The following VPS13D variants were observed in gnomAD, a reference collection of about 807,000 sequenced individuals.
VPS13D encodes intermembrane lipid transfer protein VPS13D.
VPS13D carries 187 observed loss-of-function variants against 461.9 expected under a neutral mutation model. That is an observed-to-expected ratio of 0.40 (90% CI 0.36 to 0.46). VPS13D has a LOEUF of 0.46. Ranked by LOEUF, VPS13D falls within the 20% of genes least tolerant of loss-of-function variation. The pLI is 0.60. For missense variants in VPS13D, 4,711 were observed against 5,364.9 expected (o/e 0.88, Z 3.81); for synonymous variants, 1,951 against 1,986.3 (o/e 0.98, Z 0.47).
chr1:12,230,929 C>G (rs1022164747), intron 1 of VPS13D, among the ~76,000 whole-genome samples: 8 of 152,108 alleles, frequency 5.3e-5, no homozygotes, highest in Non-Finnish European at 8.8e-5. Flanking sequence ...GTTGTGGGAG[C>G]GTCGCCTTCC....
Position 12,360,149 on chromosome 1 carries a change from G to A in VPS13D, c.10141+1548G>A, listed in dbSNP as rs114077910. ...AAAGCTCATGGCATATGTTTTGAGG[G>A]CTAAGACTGTGATTTAAGTTTTGTT... On this transcript the variant is annotated intron_variant, in intron 50 of 69. Coordinates refer to ENST00000620676, the MANE Select transcript of VPS13D (RefSeq NM_015378.4). Among the ~76,000 whole-genome samples the A allele has an allele frequency of 4.2e-4, 64 of 152,306 alleles. 1 individual carries two copies. Among genetic ancestry groups the A allele is most frequent in the African/African-American group, 1.5e-3 (64 of 41,568 alleles).
rs1236350658 is a variant in VPS13D, at chr1:12,401,975, A to G, written c.11881+271A>G. Among the ~76,000 whole-genome samples, 8 of 152,182 alleles carry G rather than the reference A, an allele frequency of 5.3e-5. No homozygotes were observed. In the East Asian group the frequency reaches 7.7e-4, roughly 15 times the overall value. On this transcript the variant is annotated intron_variant, in intron 62 of 69. Transcript: ENST00000620676. ...GTATACCTTTGGGAAGCAGTATACTATTCCTCTTTGCTTTGCATTTTTTTG... is the reference window on the plus strand; with the variant it reads ...GTATACCTTTGGGAAGCAGTATACTGTTCCTCTTTGCTTTGCATTTTTTTG...
intron 52 of VPS13D, chr1:12,367,600 A>T (rs1433610422): frequency 7.4e-6 from 1 of 134,542 alleles, no homozygotes; most frequent in Non-Finnish European, 1.5e-5. Context: ...TTGGAAACAG[A>T]GTCTCGCTCA....
At chr1:12,305,486 G>C (rs1642535809) in intron 26 of VPS13D, among the ~76,000 whole-genome samples, 1 of 152,066 alleles carries the variant, frequency 6.6e-6, no homozygotes, top group East Asian at 1.9e-4. Context: ...ATGGGGTTTT[G>C]CTATGTTGCT....
At chr1:12,494,497 A>G (rs1024682186) in intron 67 of VPS13D, among the ~76,000 whole-genome samples, 9 of 152,138 alleles carry the variant, frequency 5.9e-5, no homozygotes, top group African/African-American at 2.2e-4. Context: ...ATTCTCAACT[A>G]TTCTGGAGCT....
At chr1:12,404,671 A>G (rs1183810616) in intron 63 of VPS13D, among the ~76,000 whole-genome samples, 1 of 151,956 alleles carries the variant, frequency 6.6e-6, no homozygotes, top group Non-Finnish European at 1.5e-5. Flanking sequence ...TCACTATACT[A>G]TGCTTCCCCA....
At chr1:12,301,935 A>G (rs1642434857) in intron 25 of VPS13D, among the ~76,000 whole-genome samples, 1 of 152,206 alleles carries the variant, frequency 6.6e-6, no homozygotes, top group Non-Finnish European at 1.5e-5. Flanking sequence ...GATACTTGGA[A>G]GAATGATGCA....
Position 12,369,686 on chromosome 1 carries a change from A to G in VPS13D, c.10792A>G (p.Thr3598Ala). 6.2e-7 allele frequency: 1 copy of G among 1,614,014 alleles called. No homozygotes were observed. ...TGAAAATTTCATTTACATTGCTGCT[A>G]CATATACATTCTCTGGGTAATTCTT... is the stretch of plus-strand genomic sequence containing the variant. ...YYENFIYIAATYTFSGLQEGT... is the reference protein window; with the variant it reads ...YYENFIYIAAAYTFSGLQEGT... Residue 3598 changes from threonine to alanine, a missense_variant, in exon 54 of 70, where the codon ACA (threonine) becomes GCA (alanine). By Grantham distance (58) the Thr-to-Ala change is moderately conservative. Transcript: ENST00000620676.
At chr1:12,436,542 G>A (rs1389983352) in intron 65 of VPS13D, among the ~76,000 whole-genome samples, 1 of 152,150 alleles carries the variant, frequency 6.6e-6, no homozygotes, top group East Asian at 1.9e-4. Flanking sequence ...CACCCACCAC[G>A]TGAATTTAAA....
At chr1:12,475,259 C>T (rs983745059) in intron 67 of VPS13D, among the ~76,000 whole-genome samples, 1 of 152,152 alleles carries the variant, frequency 6.6e-6, no homozygotes, top group African/African-American at 2.4e-5. Flanking sequence ...TGCTTTGTGA[C>T]CTTGTGCAGA....
intron 67 of VPS13D, among the ~76,000 whole-genome samples, chr1:12,488,608 CGGT>C (rs1406008498): frequency 6.9e-6 from 1 of 144,450 alleles, no homozygotes; most frequent in Non-Finnish European, 1.5e-5. Context: ...GGGCTGGACA[CGGT>C]GGCCCACACC....
At position 12,362,798 on chromosome 1, in the gene VPS13D, A is replaced by G; in HGVS notation, c.10220A>G (p.Asn3407Ser). The G allele has an allele frequency of 1.2e-6, 2 of 1,614,250 alleles. No individual in the cohort carries two copies. Among genetic ancestry groups the G allele is most frequent in the Non-Finnish European group, 1.7e-6 (2 of 1,180,042 alleles). ...TTTGCCCCCCGTTACCTGTTAGATAATAAATCATCTCACAAGCTTGCATTT... is the reference window on the plus strand; with the variant it reads ...TTTGCCCCCCGTTACCTGTTAGATAGTAAATCATCTCACAAGCTTGCATTT... The part of the protein sequence containing the change: ...VIFAPRYLLD[N>S]KSSHKLAFAQ... The change falls in exon 51 of 70, where the codon AAT (asparagine) becomes AGT (serine). Residue 3407 changes from asparagine to serine, a missense_variant. By Grantham distance (46) the Asn-to-Ser change is conservative (BLOSUM62 1). This residue lies in a region of VPS13D where 4,411 missense variants were observed against 4,937.8 expected (regional missense o/e 0.89). Coordinates refer to ENST00000620676, the MANE Select transcript of VPS13D (RefSeq NM_015378.4).
chr1:12,293,734 T>G (rs1420104321), intron 24 of VPS13D, 30 bp downstream of exon 24: 1 of 1,600,466 alleles, frequency 6.2e-7, no homozygotes, highest in South Asian at 1.1e-5. Context: ...CAAGCTGCTT[T>G]TCCAGTTTGA....
intron 65 of VPS13D, among the ~76,000 whole-genome samples, chr1:12,434,501 A>C (rs749292048): frequency 6.6e-6 from 1 of 152,172 alleles, no homozygotes; most frequent in Non-Finnish European, 1.5e-5. Context: ...CTAGCATACA[A>C]CTGGGTTTTA....
intron 23 of VPS13D, among the ~76,000 whole-genome samples, chr1:12,292,731 G>A (rs181765070): frequency 8.1e-4 from 123 of 152,200 alleles, no homozygotes; most frequent in Non-Finnish European, 1.3e-3. Context: ...GAGCCACCGT[G>A]CCTGGCCAGT....
chr1:12,305,124 A>C (rs1039016307), intron 26 of VPS13D, among the ~76,000 whole-genome samples: 1 of 152,260 alleles, frequency 6.6e-6, no homozygotes, highest in African/African-American at 2.4e-5. Context: ...AACACATTAA[A>C]AAATATTAGC....
chr1:12,389,216 C>A (rs148374183), intron 60 of VPS13D, among the ~76,000 whole-genome samples: 38 of 152,316 alleles, frequency 2.5e-4, no homozygotes, highest in African/African-American at 9.1e-4. Context: ...ATTGCACCCA[C>A]CAGATTAAGG....
chr1:12,470,900 A>G (rs1027263678), intron 67 of VPS13D, among the ~76,000 whole-genome samples: 2 of 152,164 alleles, frequency 1.3e-5, no homozygotes, highest in African/African-American at 4.8e-5. Context: ...ACAAATAGTT[A>G]TAGTTTTACT....
intron 7 of VPS13D, 58 bp from the exon 8 acceptor site, chr1:12,256,275 G>C: frequency 6.4e-7 from 1 of 1,568,388 alleles, no homozygotes; most frequent in Non-Finnish European, 8.7e-7. Flanking sequence ...CATTGTAAAA[G>C]AGTGACTACC....
Sources: allele counts gnomAD v4.1 joint callset (sites outside exome capture counted in the v4.1 genomes callset), GRCh38; gene constraint gnomAD v4.1.1; regional missense constraint gnomAD v4.1.1; transcripts MANE v1.5; gene names NCBI Gene and HGNC (gene_info 2026-07-23, HGNC 2026-07-21).